Variants in ILRUN observed in about 807,000 individuals in gnomAD.
ILRUN encodes the protein protein ILRUN.
ILRUN carries 3 observed loss-of-function variants against 33.8 expected under a neutral mutation model. The ratio of observed to expected loss-of-function variants is 0.09; its 90% confidence interval spans 0.04 to 0.23. The LOEUF (loss-of-function observed/expected upper bound fraction) is 0.23. Ranked by LOEUF, ILRUN falls within the 10% of genes least tolerant of loss-of-function variation. ILRUN has a pLI of 1.00. For missense variants in ILRUN, 210 were observed against 375.1 expected, an observed-to-expected ratio of 0.56 and a Z score of 3.64; for synonymous variants, 124 against 138.9, an observed-to-expected ratio of 0.89 and a Z score of 0.75.
At chr6:34,622,370 C>A (rs887234511) in intron 3 of ILRUN, among the ~76,000 whole-genome samples, 89 of 152,102 alleles carry the variant, frequency 5.9e-4, no homozygotes, top group African/African-American at 2.1e-3. Context: ...TACAACTCAA[C>A]AGAAAACACA....
intron 1 of ILRUN, among the ~76,000 whole-genome samples, chr6:34,670,949 A>G (rs1209772037): frequency 2.0e-5 from 3 of 152,172 alleles, no homozygotes; most frequent in African/African-American, 7.2e-5. Context: ...TAAAAGACAC[A>G]GCACAACTCT....
At chr6:34,669,916 C>CT (rs781326140) in intron 1 of ILRUN, among the ~76,000 whole-genome samples, 583 of 145,122 alleles carry the variant, frequency 4.0e-3, no homozygotes, top group African/African-American at 0.01. Flanking sequence ...AAAGGCAACT[C>CT]TTTTTTTTTT....
intron 1 of ILRUN, among the ~76,000 whole-genome samples, chr6:34,673,174 A>G (rs1229841666): frequency 6.6e-6 from 1 of 152,196 alleles, no homozygotes; most frequent in African/African-American, 2.4e-5. Context: ...CAAAAGTTTC[A>G]AATTTTATCT....
chr6:34,606,154 C>T (rs551107658), intron 4 of ILRUN, among the ~76,000 whole-genome samples: 3 of 152,206 alleles, frequency 2.0e-5, no homozygotes, highest in South Asian at 2.1e-4. Flanking sequence ...ATAAGGAAGT[C>T]GATGGGCCAT....
At chr6:34,605,931 C>T (rs1410282350) in intron 4 of ILRUN, among the ~76,000 whole-genome samples, 1 of 152,188 alleles carries the variant, frequency 6.6e-6, no homozygotes, top group Non-Finnish European at 1.5e-5. Context: ...CCAACCAAAA[C>T]CAACAACCAG....
At chr6:34,591,499 A>AT (rs545549009) in intron 4 of ILRUN, among the ~76,000 whole-genome samples, 35,505 of 139,402 alleles carry the variant, frequency 0.25, 4,574 homozygotes, top group East Asian at 0.36. Flanking sequence ...TCCTGTCTCA[A>AT]TTTTTTTTTT....
intron 1 of ILRUN, among the ~76,000 whole-genome samples, chr6:34,660,067 A>G (rs970086193): frequency 6.6e-6 from 1 of 151,914 alleles, no homozygotes; most frequent in Non-Finnish European, 1.5e-5. Context: ...TGGGAGGCGC[A>G]GAGGCAGGTG....
chr6:34,662,124 C>CAAAAAA (rs57423564), intron 1 of ILRUN, among the ~76,000 whole-genome samples: 1 of 39,990 alleles, frequency 2.5e-5, no homozygotes, highest in African/African-American at 6.6e-5. Flanking sequence ...GACTCCGTCT[C>CAAAAAA]AAAAAAAAAA....
chr6:34,682,190 G>A (rs1395838887), intron 1 of ILRUN, among the ~76,000 whole-genome samples: 2 of 147,760 alleles, frequency 1.4e-5, no homozygotes, highest in Non-Finnish European at 1.5e-5. Flanking sequence ...TTTAAGACAG[G>A]GTCTTGCTCT....
chr6:34,594,008 G>A (rs1761346028), intron 4 of ILRUN, among the ~76,000 whole-genome samples: 1 of 152,124 alleles, frequency 6.6e-6, no homozygotes, highest in South Asian at 2.1e-4. Context: ...AGATTCCACT[G>A]GAGTTCTAAG....
rs184673022 is a variant in ILRUN at position 34,668,385 on chromosome 6, T to C, written c.159-13606A>G. Among the ~76,000 whole-genome samples the C allele has an allele frequency of 3.9e-5, 6 of 152,308 alleles. No individual in the cohort carries two copies. In the East Asian group the frequency reaches 1.2e-3, roughly 29 times the overall value. On this transcript the variant is annotated intron_variant, in intron 1 of 4. Transcript: ENST00000374023. ...ATTCAAATGTACATCAACTTATATA[T>C]TGATATAATGATCTGTGATCCTAAT...
intron 1 of ILRUN, among the ~76,000 whole-genome samples, chr6:34,677,947 C>CAAAAA (rs200840957): frequency 2.0e-4 from 15 of 74,342 alleles, no homozygotes; most frequent in African/African-American, 6.2e-4. Context: ...ATCCTGCCTC[C>CAAAAA]AAAAAAAAAA....
At chr6:34,643,142 A>T (rs1278052184) in intron 3 of ILRUN, among the ~76,000 whole-genome samples, 1 of 151,922 alleles carries the variant, frequency 6.6e-6, no homozygotes, top group African/African-American at 2.4e-5. Flanking sequence ...CTGAAAATAC[A>T]AAAACAATTA....
intron 1 of ILRUN, among the ~76,000 whole-genome samples, chr6:34,677,981 A>G (rs2127382048): frequency 6.7e-6 from 1 of 149,424 alleles, no homozygotes; most frequent in South Asian, 2.1e-4. Context: ...TGTTGCGATT[A>G]CAGGTGTGCA....
At chr6:34,602,071 T>A (rs1211568644) in intron 4 of ILRUN, among the ~76,000 whole-genome samples, 1 of 152,120 alleles carries the variant, frequency 6.6e-6, no homozygotes, top group African/African-American at 2.4e-5. Context: ...CAGACTGTAA[T>A]CCAGTTTAAA....
intron 3 of ILRUN, among the ~76,000 whole-genome samples, chr6:34,635,482 C>T (rs186725586): frequency 1.7e-3 from 244 of 146,230 alleles, no homozygotes; most frequent in Admixed American, 1.9e-3. Flanking sequence ...GAGCCAGGAT[C>T]GTGCCACTGC....
intron 3 of ILRUN, among the ~76,000 whole-genome samples, chr6:34,620,319 G>A (rs56731363): frequency 0.028 from 4,212 of 152,180 alleles, 178 homozygotes; most frequent in African/African-American, 0.093. Flanking sequence ...CAAGGCAGGT[G>A]CTCAATAAGG....
intron 3 of ILRUN, among the ~76,000 whole-genome samples, chr6:34,608,852 AG>A (rs1761686579): frequency 6.6e-6 from 1 of 152,272 alleles, no homozygotes; most frequent in Non-Finnish European, 1.5e-5. Context: ...AAATAAAAAA[AG>A]AAAGTAGCGG....
intron 2 of ILRUN, among the ~76,000 whole-genome samples, chr6:34,652,555 C>G (rs1762691497): frequency 6.6e-6 from 1 of 152,136 alleles, no homozygotes; most frequent in Non-Finnish European, 1.5e-5. Flanking sequence ...GCTGGTCTAG[C>G]CAGTCTTTCC....
Sources: gnomAD v4.1 joint callset for allele counts (sites outside exome capture counted in the v4.1 genomes callset) on GRCh38, gnomAD v4.1.1 for gene constraint, MANE v1.5 for transcripts, NCBI Gene and HGNC (gene_info 2026-07-23, HGNC 2026-07-21) for gene names.